Variants in COX16 observed in about 807,000 individuals in gnomAD.
COX16 encodes cytochrome c oxidase assembly factor COX16, also known as cytochrome c oxidase assembly protein COX16 homolog, mitochondrial.
In COX16, 12 loss-of-function variants were observed where a neutral mutation model predicts 15.4. That is an observed-to-expected ratio of 0.78 (90% confidence interval 0.50 to 1.26). The LOEUF is 1.26. Ranked by LOEUF, COX16 falls within the 50% of genes most tolerant of loss-of-function variation. The probability of loss-of-function intolerance (pLI) is 0.00; values close to 1 mark genes in which losing one functional copy is unlikely to be tolerated. For missense variants in COX16, 124 were observed against 127.6 expected, an observed-to-expected ratio of 0.97 and a Z score of 0.14; for synonymous variants, 46 against 41.1, an observed-to-expected ratio of 1.12 and a Z score of -0.46.
At chr14:70,335,755 A>G (rs1886433586) in intron 2 of COX16, among the ~76,000 whole-genome samples, 1 of 152,216 alleles carries the variant, frequency 6.6e-6, no homozygotes. Context: ...GTTCAAATTT[A>G]CTATCTGGCT....
chr14:70,337,640 A>T (rs1886495935), intron 2 of COX16, among the ~76,000 whole-genome samples: 1 of 152,148 alleles, frequency 6.6e-6, no homozygotes, highest in Non-Finnish European at 1.5e-5. Context: ...ATCTATAGTG[A>T]TCCTTATGTT....
intron 1 of COX16, among the ~76,000 whole-genome samples, chr14:70,343,005 A>C (rs561366766): frequency 6.6e-6 from 1 of 152,334 alleles, no homozygotes; most frequent in South Asian, 2.1e-4. Context: ...GCATTGTATT[A>C]TCTGACTCTT....
At chr14:70,354,804 G>T (rs1278205870) in intron 1 of COX16, among the ~76,000 whole-genome samples, 1 of 150,836 alleles carries the variant, frequency 6.6e-6, no homozygotes, top group African/African-American at 2.5e-5. Flanking sequence ...GAAGTTAGGG[G>T]AGTTTTGTGC....
chr14:70,332,657 C>T (rs1425656088), intron 2 of COX16, among the ~76,000 whole-genome samples: 1 of 152,178 alleles, frequency 6.6e-6, no homozygotes, highest in African/African-American at 2.4e-5. Context: ...GCTTCAGCCC[C>T]TCCTGTGGAA....
rs900504382 is a variant in COX16 at position 70,329,186 on chromosome 14, C to T, written c.192G>A (p.Glu64=). The change falls in exon 3 of 4, where the codon GAG becomes GAA. Residue 64 remains glutamate, a synonymous_variant. Coordinates refer to ENST00000389912, the MANE Select transcript of COX16 (RefSeq NM_016468.7). ...KKLKENKISL[E]SEYEKIKDSK... Reference sequence around the variant, plus strand: ...TAACATACCGTACCTCATATTCCGACTCTAAAGATATTTTATTCTCTTTCA... The same window carrying T: ...TAACATACCGTACCTCATATTCCGATTCTAAAGATATTTTATTCTCTTTCA... The T allele has an allele frequency of 6.2e-7, 1 of 1,601,130 alleles. No individual in the cohort carries two copies. Among genetic ancestry groups the T allele is most frequent in the Admixed American group, 1.7e-5 (1 of 58,958 alleles).
intron 2 of COX16, among the ~76,000 whole-genome samples, chr14:70,340,808 C>T (rs906577306): frequency 6.6e-6 from 1 of 152,178 alleles, no homozygotes; most frequent in Admixed American, 6.5e-5. Context: ...TTAGCTAATT[C>T]CTACTCATTC....
rs1186712211 is a variant in COX16, at chr14:70,342,676, A to G, written c.123T>C (p.Tyr41=). 3.7e-6 allele frequency: 6 copies of G among 1,612,942 alleles called. No homozygotes were observed. The highest frequency in any genetic ancestry group is 5.1e-6 in the Non-Finnish European group (6 of 1,179,766). Residue 41 remains tyrosine, a synonymous_variant, in exon 2 of 4, where the codon TAT becomes TAC. Coordinates refer to ENST00000389912, the MANE Select transcript of COX16 (RefSeq NM_016468.7). ...TTCTTACTTTACTCTTCACAGCATC[A>G]TATCGGATTTGAGAAAACTCACGAA... ...FGLREFSQIR[Y]DAVKSKMDPE...
At chr14:70,355,331 T>TTA (rs1386773872) in intron 1 of COX16, among the ~76,000 whole-genome samples, 2 of 152,202 alleles carry the variant, frequency 1.3e-5, no homozygotes, top group Non-Finnish European at 1.5e-5. Context: ...GAGTCACTCT[T>TTA]TCTTAGTCTC....
chr14:70,347,714 T>C (rs1886825208), intron 1 of COX16, among the ~76,000 whole-genome samples: 2 of 152,126 alleles, frequency 1.3e-5, no homozygotes, highest in Non-Finnish European at 2.9e-5. Flanking sequence ...AGCACAAATA[T>C]GAGCCCCCTT....
At chr14:70,354,635 C>T (rs1887067325) in intron 1 of COX16, among the ~76,000 whole-genome samples, 1 of 152,126 alleles carries the variant, frequency 6.6e-6, no homozygotes, top group Admixed American at 6.5e-5. Context: ...CCCTCCTGGA[C>T]CTCGACATAT....
chr14:70,339,772 T>C (rs572247445), intron 2 of COX16, among the ~76,000 whole-genome samples: 2 of 152,320 alleles, frequency 1.3e-5, no homozygotes, highest in African/African-American at 2.4e-5. Context: ...CTTGATCACC[T>C]GAGTTTGACT....
chr14:70,343,926 G>A (rs993137325), intron 1 of COX16, among the ~76,000 whole-genome samples: 2 of 152,134 alleles, frequency 1.3e-5, no homozygotes, highest in South Asian at 2.1e-4. Context: ...CAGTCTCCCC[G>A]AGCATTCAGG....
chr14:70,329,957 T>C (rs977335357), intron 2 of COX16, among the ~76,000 whole-genome samples: 10 of 152,038 alleles, frequency 6.6e-5, no homozygotes, highest in Non-Finnish European at 8.8e-5. Flanking sequence ...AAAAGTATTT[T>C]ACAAAAGCTA....
chr14:70,330,077 A>C (rs1184367808), intron 2 of COX16, among the ~76,000 whole-genome samples: 2 of 152,174 alleles, frequency 1.3e-5, no homozygotes, highest in African/African-American at 4.8e-5. Context: ...CATAGCAATG[A>C]GTCCTCAGAC....
At chr14:70,326,561 C>T (rs1886084693) in intron 3 of COX16, 112 bp from the exon 4 acceptor site, 2 of 644,690 alleles carry the variant, frequency 3.1e-6, no homozygotes, top group South Asian at 5.1e-5. Context: ...GATAGGTCCT[C>T]GATTACAACT....
At chr14:70,346,207 A>G (rs1374250951) in intron 1 of COX16, among the ~76,000 whole-genome samples, 2 of 152,206 alleles carry the variant, frequency 1.3e-5, no homozygotes, top group African/African-American at 2.4e-5. Flanking sequence ...CAGAAGCTTG[A>G]TGATGGCCCT....
At chr14:70,346,415 G>C (rs1460180327) in intron 1 of COX16, among the ~76,000 whole-genome samples, 2 of 152,224 alleles carry the variant, frequency 1.3e-5, no homozygotes, top group Non-Finnish European at 2.9e-5. Context: ...GTGCGGCAAT[G>C]AAGGCCACTG....
At position 70,331,213 on chromosome 14, in the gene COX16, G is replaced by A. The variant is rs190668114; in HGVS notation, c.142-1977C>T. ...AGTAGAGACGGGGTTTCACCATATT[G>A]GCTAGGATGGTCTTGATCTCTTGAC... On this transcript the variant is annotated intron_variant, in intron 2 of 3. Coordinates refer to ENST00000389912, the MANE Select transcript of COX16 (RefSeq NM_016468.7). 3.0e-3 allele frequency among the ~76,000 whole-genome samples: 451 copies of A among 152,184 alleles called. 4 individuals carry two copies. The highest frequency in any genetic ancestry group is 0.011 in the African/African-American group (441 of 41,514).
At chr14:70,336,695 T>C (rs1886467564) in intron 2 of COX16, among the ~76,000 whole-genome samples, 1 of 152,186 alleles carries the variant, frequency 6.6e-6, no homozygotes. Context: ...CTGTACTTTG[T>C]GTGATTTAAA....
Sources: allele counts gnomAD v4.1 joint callset (sites outside exome capture counted in the v4.1 genomes callset), GRCh38; gene constraint gnomAD v4.1.1; transcripts MANE v1.5; gene names NCBI Gene and HGNC (gene_info 2026-07-23, HGNC 2026-07-21).